Variants in PPP1R3F observed in about 807,000 individuals in gnomAD.
PPP1R3F encodes the protein protein phosphatase 1, regulatory (inhibitor) subunit 3F.
Under a neutral mutation model 24.2 loss-of-function variants are expected in PPP1R3F, and 29 were observed. That is an observed-to-expected ratio of 1.20 (90% confidence interval 0.89 to 1.63). The LOEUF is 1.63. Ranked by LOEUF, PPP1R3F falls within the 40% of genes most tolerant of loss-of-function variation. PPP1R3F has a pLI of 0.00. For synonymous variants in PPP1R3F, 363 were observed against 340.1 expected, an observed-to-expected ratio of 1.07 and a Z score of -0.74; for missense variants, 823 against 729.3, an observed-to-expected ratio of 1.13 and a Z score of -1.48.
downstream of PPP1R3F, among the ~76,000 whole-genome samples, chrX:49,291,316 C>CTCTCTCTCTGTCTG (rs1557122352): frequency 5.0e-3 from 442 of 88,341 alleles, 5 homozygotes; most frequent in Middle Eastern, 0.025. Flanking sequence ...CTCTCTCTCT[C>CTCTCTCTCTGTCTG]TCTCTCTCTC....
Position 49,270,085 on chromosome X carries a change from TGGCGGCGGC to T in PPP1R3F, c.225_233del (p.Gly76_Gly78del), listed in dbSNP as rs781904515. 1 of 1,001,289 alleles carries T rather than the reference TGGCGGCGGC, an allele frequency of 1.0e-6. No individual in the cohort carries two copies. Among genetic ancestry groups the T allele is most frequent in the Non-Finnish European group, 1.3e-6 (1 of 796,453 alleles). 82.5% of individuals were successfully genotyped at this position (1,001,289 alleles called of 1,213,427 possible). A position where few individuals can be genotyped will look rare whatever the true frequency, so the allele number is the denominator to read the frequency against. On this transcript the variant is annotated inframe_deletion, in exon 1 of 4. Transcript: ENST00000055335. ...AGATGGCGGCGGCGGCCGGGCAAGA[TGGCGGCGGC>T]GGCGGCGGGGCCGACGAGGACGACG...
At chrX:49,284,521 T>C (rs1356551259) in intron 3 of PPP1R3F, among the ~76,000 whole-genome samples, 1 of 96,001 alleles carries the variant, frequency 1.0e-5, no homozygotes, top group Non-Finnish European at 2.1e-5. Flanking sequence ...TTTTTTTTTT[T>C]TTTTTTTTGA....
rs1233323870 is a variant in PPP1R3F at position 49,286,574 on chromosome X, C to T, written c.1884C>T (p.Gly628=). ...LPWAEGSGCD[G]PVVLGTEGQF... is the part of the protein sequence containing the mutation. Reference sequence around the variant, plus strand: ...GGGCAGAGGGCTCAGGATGTGACGGCCCTGTGGTTCTGGGTACAGAGGGTC... The same window carrying T: ...GGGCAGAGGGCTCAGGATGTGACGGTCCTGTGGTTCTGGGTACAGAGGGTC... Residue 628 remains glycine (G), a synonymous_variant, in exon 4 of 4, where the codon GGC becomes GGT. Transcript: ENST00000055335. 1 of 1,209,916 alleles carries T rather than the reference C, an allele frequency of 8.3e-7. No homozygotes were observed. The highest frequency in any genetic ancestry group is 1.1e-6 in the Non-Finnish European group (1 of 895,001).
downstream of PPP1R3F, among the ~76,000 whole-genome samples, chrX:49,291,685 AC>A (rs1256602874): frequency 1.8e-5 from 2 of 109,968 alleles, no homozygotes; most frequent in Admixed American, 9.8e-5. Flanking sequence ...TATTTTTATC[AC>A]CCATTTACAG....
chrX:49,291,111 C>T (rs782549603), downstream of PPP1R3F, among the ~76,000 whole-genome samples: 3 of 111,290 alleles, frequency 2.7e-5, no homozygotes, highest in South Asian at 1.1e-3. Flanking sequence ...CTCAGCCTCC[C>T]GAGTAGCTGG....
At chrX:49,291,968 G>A (rs192919473), downstream of PPP1R3F, among the ~76,000 whole-genome samples, 24 of 109,975 alleles carry the variant, frequency 2.2e-4, 1 homozygote, top group East Asian at 2.6e-3. Flanking sequence ...TTCAGTCAGG[G>A]AAGCCTGACT....
intron 1 of PPP1R3F, chrX:49,273,504 T>C (rs1471673323): frequency 1.8e-5 from 2 of 112,500 alleles, no homozygotes; most frequent in African/African-American, 6.5e-5. Flanking sequence ...TCTTTATCTT[T>C]CGATCTCAGC....
rs1329161644 is a variant in PPP1R3F at position 49,282,719 on chromosome X, A to G, written c.1143+656A>G. 2.9e-5 allele frequency among the ~76,000 whole-genome samples: 3 copies of G among 104,520 alleles called. No individual in the cohort carries two copies. In the Admixed American group the frequency reaches 3.0e-4, roughly 11 times the overall value. The allele number at this position is 104,520 out of a possible 115,157, so 90.8% of individuals were successfully genotyped here. On this transcript the variant is annotated intron_variant, in intron 3 of 3. Transcript: ENST00000055335. Reference sequence around the variant, plus strand: ...AGCAGGGGCAGAACGAGGGAGGGGGAGAGTGGTGCGGGGTGAGGGAGAGAG... The same window carrying G: ...AGCAGGGGCAGAACGAGGGAGGGGGGGAGTGGTGCGGGGTGAGGGAGAGAG...
rs2066322839 is a variant in PPP1R3F at position 49,296,367 on chromosome X, C to CACAGAAATTGTT, written c.393-4984_393-4983insACAGAAATTGTT. On this transcript the variant is annotated intron_variant, in intron 3 of 3. Transcript: ENST00000471261. ...TTCTGTGGGATCAGTGCTGATATCC[C>CACAGAAATTGTT]TTTTATTGTTTTTTATTGTGTCTAT... Among the ~76,000 whole-genome samples, 4 of 111,534 alleles carry CACAGAAATTGTT rather than the reference C, an allele frequency of 3.6e-5. No individual in the cohort carries two copies. In the South Asian group the frequency reaches 1.5e-3, roughly 42 times the overall value.
intron 3 of PPP1R3F, among the ~76,000 whole-genome samples, chrX:49,283,613 A>G (rs782041437): frequency 1.8e-5 from 2 of 111,572 alleles, no homozygotes; most frequent in African/African-American, 6.5e-5. Context: ...GTTGCATTTG[A>G]TTGATGTGTC....
At chrX:49,272,365 C>CCACTTACTGGCCTTGT (rs1320639972) in intron 1 of PPP1R3F, among the ~76,000 whole-genome samples, 4 of 112,559 alleles carry the variant, frequency 3.6e-5, no homozygotes, top group African/African-American at 1.3e-4. Context: ...CCTGGCGCTG[C>CCACTTACTGGCCTTGT]CACTTACTGG....
chrX:49,274,623 C>G (rs918801129), intron 1 of PPP1R3F: 10 of 112,403 alleles, frequency 8.9e-5, no homozygotes, highest in Non-Finnish European at 1.3e-4. Flanking sequence ...CCAGCACGTG[C>G]TAAGCTTTGT....
Position 49,270,308 on chromosome X carries a change from G to T in PPP1R3F, c.439G>T (p.Ala147Ser). Residue 147 changes from alanine to serine, a missense_variant, in exon 1 of 4, where the codon GCG becomes TCG. Ala to Ser is a moderately conservative substitution (Grantham distance 99, BLOSUM62 1). Transcript: ENST00000055335. ...GGAGGCGCTGCTGCCGCCTCCCGGA[G>T]CGGTCCCCGGGGGTGCCGGGGTGTG... Reference protein sequence around the residue: ...ELEALLPPPGAVPGGAGVWVP... With the variant: ...ELEALLPPPGSVPGGAGVWVP... 1 of 1,107,929 alleles carries T rather than the reference G, an allele frequency of 9.0e-7. No individual in the cohort carries two copies. Among genetic ancestry groups the T allele is most frequent in the Non-Finnish European group, 1.2e-6 (1 of 851,876 alleles). The allele number at this position is 1,107,929 out of a possible 1,213,427, so 91.3% of individuals were successfully genotyped here. A position where few individuals can be genotyped will look rare whatever the true frequency, so the allele number is the denominator to read the frequency against.
At chrX:49,294,798 T>C (rs1557122672) in intron 3 of PPP1R3F, among the ~76,000 whole-genome samples, 1 of 108,042 alleles carries the variant, frequency 9.3e-6, no homozygotes, top group African/African-American at 3.4e-5. Flanking sequence ...TAGTCCCAGC[T>C]ACTCGGGAGG....
At chrX:49,293,012 G>A (rs781811831), downstream of PPP1R3F, among the ~76,000 whole-genome samples, 10 of 112,150 alleles carry the variant, frequency 8.9e-5, no homozygotes, top group African/African-American at 3.2e-4. Context: ...GGACAGTCAG[G>A]TGGGGGAAGT....
Position 49,287,446 on chromosome X carries a change from G to A in PPP1R3F, c.*356G>A. The A allele has an allele frequency of 5.2e-6, 1 of 193,751 alleles. No individual in the cohort carries two copies. The highest frequency in any genetic ancestry group is 9.5e-6 in the Non-Finnish European group (1 of 105,764). The allele number at this position is 193,751 out of a possible 1,213,427, so 16.0% of individuals were successfully genotyped here. On this transcript the variant is annotated 3_prime_UTR_variant, in exon 4 of 4. Transcript: ENST00000055335. The stretch of plus-strand genomic sequence containing the variant: ...CAGCCAACCTGTGCAACCTGCTGGA[G>A]CTTTATTTTTAATTTAATTTATATA...
At chrX:49,277,099 G>C (rs1354197291) in intron 1 of PPP1R3F, among the ~76,000 whole-genome samples, 1 of 112,718 alleles carries the variant, frequency 8.9e-6, no homozygotes, top group Non-Finnish European at 1.9e-5. Context: ...GTCTGTGACT[G>C]CTCTGAAAGT....
exon 4 of PPP1R3F, chrX:49,301,386 T>C: frequency 1.6e-6 from 1 of 636,309 alleles, no homozygotes; most frequent in Non-Finnish European, 2.4e-6. Context: ...GAAGACAAGC[T>C]GAAATGATGC....
downstream of PPP1R3F, among the ~76,000 whole-genome samples, chrX:49,292,100 T>C (rs2066310838): frequency 9.0e-6 from 1 of 111,518 alleles, no homozygotes; most frequent in Non-Finnish European, 1.9e-5. Context: ...AGGGAAAGCC[T>C]CAGAGAAGAC....
Sources: allele counts gnomAD v4.1 joint callset (sites outside exome capture counted in the v4.1 genomes callset), GRCh38; gene constraint gnomAD v4.1.1; transcripts MANE v1.5; gene names NCBI Gene and HGNC (gene_info 2026-07-23, HGNC 2026-07-21).